Variants in CACNA1D observed in about 807,000 individuals in gnomAD.
The protein encoded by CACNA1D is calcium voltage-gated channel subunit alpha1 D.
Under a neutral mutation model 257.1 loss-of-function variants are expected in CACNA1D, and 55 were observed. The ratio of observed to expected loss-of-function variants is 0.21; its 90% confidence interval spans 0.17 to 0.27. The LOEUF is 0.27. Ranked by LOEUF, CACNA1D falls within the 10% of genes least tolerant of loss-of-function variation. The pLI, the probability that CACNA1D is intolerant of heterozygous loss-of-function variation, is 1.00. For synonymous variants in CACNA1D, 980 were observed against 1,014.9 expected, an observed-to-expected ratio of 0.97 and a Z score of 0.65; for missense variants, 1,876 against 2,784.0, an observed-to-expected ratio of 0.67 and a Z score of 7.34.
chr3:53,724,041 G>C, intron 14 of CACNA1D, 42 bp downstream of exon 14: 1 of 1,521,748 alleles, frequency 6.6e-7, no homozygotes. Context: ...TTCGTGAGCA[G>C]CAGCTAAAAC....
At chr3:53,687,850 C>G (rs544416873) in intron 8 of CACNA1D, among the ~76,000 whole-genome samples, 16 of 152,210 alleles carry the variant, frequency 1.1e-4, no homozygotes, top group East Asian at 9.6e-4. Context: ...TAAAGATGTT[C>G]TATGTCATAA....
rs555155352 is a variant in CACNA1D, at chr3:53,608,447, G to A, written c.484-42332G>A. ...GAACAAAGATAGTTTTCCTTCTCCC[G>A]TTATAATCGGTAAGCCTTTAATTTC... On this transcript the variant is annotated intron_variant, in intron 3 of 47. Transcript: ENST00000350061. Among the ~76,000 whole-genome samples, 6 of 152,162 alleles carry A rather than the reference G, an allele frequency of 3.9e-5. No homozygotes were observed. In the South Asian group the frequency reaches 6.2e-4, roughly 16 times the overall value.
rs778776240 is a variant in CACNA1D at position 53,800,340 on chromosome 3, GAGA to G, written c.5025_5027del (p.Glu1675del). On this transcript the variant is annotated inframe_deletion, in exon 41 of 48. Coordinates refer to ENST00000350061, the MANE Select transcript of CACNA1D (RefSeq NM_001128840.3). This position sits in a 1 kb window ranked among gnomAD's most constrained non-coding sequence, Gnocchi z 4.3. Reference sequence around the variant, plus strand: ...GATGACGAGCCTGAGGAAACAAAACGAGAAGAAGAAGATGATGTGTTCAAAGTA... The same window carrying G: ...GATGACGAGCCTGAGGAAACAAAACGAGAAGAAGATGATGTGTTCAAAGTA... 1.0e-4 allele frequency: 168 copies of G among 1,611,776 alleles called. No homozygotes were observed. In the East Asian group the frequency reaches 1.4e-3, roughly 14 times the overall value.
intron 3 of CACNA1D, among the ~76,000 whole-genome samples, chr3:53,642,138 A>G (rs1274831613): frequency 1.3e-5 from 2 of 152,204 alleles, no homozygotes; most frequent in Non-Finnish European, 2.9e-5. Flanking sequence ...GGATGCATAC[A>G]GTGGCCTCAG....
At chr3:53,543,352 T>C (rs1025205958) in intron 3 of CACNA1D, among the ~76,000 whole-genome samples, 4 of 152,204 alleles carry the variant, frequency 2.6e-5, no homozygotes, top group African/African-American at 4.8e-5. Flanking sequence ...AAACCTTTTC[T>C]GTCAGGGTGA....
At chr3:53,659,338 G>A (rs2094180630) in intron 4 of CACNA1D, among the ~76,000 whole-genome samples, 1 of 152,172 alleles carries the variant, frequency 6.6e-6, no homozygotes, top group African/African-American at 2.4e-5. Flanking sequence ...ACTGCCTTTA[G>A]CCTTTGCACA....
intron 31 of CACNA1D, 149 bp from the exon 32 acceptor site, chr3:53,770,275 C>T: frequency 1.2e-6 from 1 of 852,532 alleles, no homozygotes. Context: ...GTAACTCTTC[C>T]TTTCATATCA....
chr3:53,684,767 C>CCATA (rs2094460826), intron 8 of CACNA1D, among the ~76,000 whole-genome samples: 1 of 151,418 alleles, frequency 6.6e-6, no homozygotes, highest in South Asian at 2.1e-4. Flanking sequence ...TATAGGATAA[C>CCATA]CATACACAGA....
At chr3:53,643,171 GCAAA>G (rs1439214794) in intron 3 of CACNA1D, among the ~76,000 whole-genome samples, 2 of 152,144 alleles carry the variant, frequency 1.3e-5, no homozygotes, top group Non-Finnish European at 2.9e-5. Context: ...AAAGATGAGG[GCAAA>G]CAGACTACTG....
At chr3:53,580,298 G>A (rs937160223) in intron 3 of CACNA1D, among the ~76,000 whole-genome samples, 1 of 152,240 alleles carries the variant, frequency 6.6e-6, no homozygotes, top group African/African-American at 2.4e-5. Flanking sequence ...TAGTGATGGA[G>A]AGATTTGATT....
chr3:53,699,692 C>A (rs965745036), intron 8 of CACNA1D, among the ~76,000 whole-genome samples: 21 of 152,240 alleles, frequency 1.4e-4, no homozygotes, highest in African/African-American at 4.6e-4. Context: ...ATAAATAATA[C>A]CTTCCTGCTA....
intron 3 of CACNA1D, among the ~76,000 whole-genome samples, chr3:53,570,667 C>T (rs1016188773): frequency 8.5e-5 from 13 of 152,326 alleles, no homozygotes; most frequent in Admixed American, 7.2e-4. Flanking sequence ...CATACACATC[C>T]GTGTGTGCCC....
chr3:53,727,817 C>G (rs1203323277), intron 15 of CACNA1D, among the ~76,000 whole-genome samples: 1 of 152,096 alleles, frequency 6.6e-6, no homozygotes, highest in Non-Finnish European at 1.5e-5. Flanking sequence ...CTAAGGTGGC[C>G]CAGATCTCTG....
chr3:53,502,468 A>ATTTT (rs562089802), intron 3 of CACNA1D, among the ~76,000 whole-genome samples: 1 of 140,530 alleles, frequency 7.1e-6, no homozygotes, highest in Non-Finnish European at 1.6e-5. Context: ...TTCTTTAAAC[A>ATTTT]TTTTTTTTTT....
At chr3:53,743,623 G>A (rs1483260253) in intron 22 of CACNA1D, among the ~76,000 whole-genome samples, 1 of 152,258 alleles carries the variant, frequency 6.6e-6, no homozygotes, top group African/African-American at 2.4e-5. Flanking sequence ...AAGGCTGAAA[G>A]TCAGGGCCCC....
chr3:53,749,146 G>A (rs977639399), intron 26 of CACNA1D, 122 bp from the exon 27 acceptor site: 16 of 738,108 alleles, frequency 2.2e-5, no homozygotes, highest in Non-Finnish European at 3.4e-5. Flanking sequence ...GCAGCCTTGG[G>A]GTGGGTTCCC....
chr3:53,802,243 C>T (rs1188847392), intron 43 of CACNA1D, 70 bp downstream of exon 43: 6 of 1,198,384 alleles, frequency 5.0e-6, no homozygotes, highest in African/African-American at 3.0e-5. Flanking sequence ...TCTCTGAGTG[C>T]TGAAGAATGA....
At position 53,692,181 on chromosome 3, in the gene CACNA1D, G is replaced by T. The variant is rs552299626; in HGVS notation, c.1221-10460G>T. The stretch of plus-strand genomic sequence containing the variant: ...TTGTGATAAGGAACCAGTATACAAA[G>T]ATAAGACAGACACAGCCCCTCCTTA... On this transcript the variant is annotated intron_variant, in intron 8 of 47. Coordinates refer to ENST00000350061, the MANE Select transcript of CACNA1D (RefSeq NM_001128840.3). Among the ~76,000 whole-genome samples, 7 of 151,782 alleles carry T rather than the reference G, an allele frequency of 4.6e-5. No homozygotes were observed. In the South Asian group the frequency reaches 8.3e-4, roughly 18 times the overall value.
At chr3:53,640,053 G>C (rs2093933182) in intron 3 of CACNA1D, among the ~76,000 whole-genome samples, 1 of 151,770 alleles carries the variant, frequency 6.6e-6, no homozygotes, top group Non-Finnish European at 1.5e-5. Flanking sequence ...GTAGAGATAG[G>C]TTTCACCGTG....
Sources: gnomAD v4.1 joint callset for allele counts (sites outside exome capture counted in the v4.1 genomes callset) on GRCh38, gnomAD v4.1.1 for gene constraint, Gnocchi (gnomAD v3.1) non-coding constraint, MANE v1.5 for transcripts, NCBI Gene and HGNC (gene_info 2026-07-23, HGNC 2026-07-21) for gene names.